Variants in CFAP20DC observed in about 807,000 individuals in gnomAD.
CFAP20DC encodes protein CFAP20DC.
CFAP20DC carries 84 observed loss-of-function variants against 101.7 expected under a neutral mutation model. The ratio of observed to expected loss-of-function variants is 0.83; its 90% CI spans 0.69 to 0.99. The LOEUF is 0.99. Among genes scored for constraint, CFAP20DC ranks in the 50% least tolerant of loss-of-function variants. The pLI is 0.00. For missense variants in CFAP20DC, 1,007 were observed against 970.3 expected (o/e 1.04, Z -0.50); for synonymous variants, 359 against 351.2 (o/e 1.02, Z -0.25).
intron 13 of CFAP20DC, among the ~76,000 whole-genome samples, chr3:58,833,949 C>T (rs1034038353): frequency 1.3e-5 from 2 of 152,062 alleles, no homozygotes; most frequent in African/African-American, 4.8e-5. Context: ...GCACAAAAGG[C>T]CACATATTGT....
chr3:58,986,164 G>T (rs187156627), intron 4 of CFAP20DC, among the ~76,000 whole-genome samples: 1 of 152,144 alleles, frequency 6.6e-6, no homozygotes, highest in South Asian at 2.1e-4. Context: ...CAATTCATAC[G>T]TAAGTTTGAA....
At chr3:58,747,244 T>C (rs924151113) in intron 16 of CFAP20DC, among the ~76,000 whole-genome samples, 5 of 152,156 alleles carry the variant, frequency 3.3e-5, no homozygotes, top group African/African-American at 1.2e-4. Flanking sequence ...TTCAGCCTCA[T>C]CCACTCTGAA....
At chr3:58,763,442 AT>A (rs1398591117) in intron 15 of CFAP20DC, among the ~76,000 whole-genome samples, 4 of 148,894 alleles carry the variant, frequency 2.7e-5, no homozygotes, top group African/African-American at 7.5e-5. Flanking sequence ...CATTCGTCTA[AT>A]TTTTTTTCAA....
At chr3:58,755,691 T>A (rs1021445940) in intron 15 of CFAP20DC, among the ~76,000 whole-genome samples, 2 of 152,152 alleles carry the variant, frequency 1.3e-5, no homozygotes, top group African/African-American at 2.4e-5. Flanking sequence ...ATTAAAAAAA[T>A]TTTAGATTTA....
intron 4 of CFAP20DC, among the ~76,000 whole-genome samples, chr3:59,035,024 C>T (rs1170593071): frequency 6.6e-6 from 1 of 152,144 alleles, no homozygotes; most frequent in Admixed American, 6.5e-5. Flanking sequence ...AATTAGAATT[C>T]AGGATTAAGA....
chr3:58,948,717 C>T (rs1166662394), intron 4 of CFAP20DC, among the ~76,000 whole-genome samples: 14 of 152,108 alleles, frequency 9.2e-5, no homozygotes, highest in South Asian at 6.2e-4. Flanking sequence ...ATTTTTGCAT[C>T]GATGTTCATC....
intron 4 of CFAP20DC, among the ~76,000 whole-genome samples, chr3:58,954,651 AG>A (rs2090460782): frequency 6.6e-6 from 1 of 152,190 alleles, no homozygotes; most frequent in African/African-American, 2.4e-5. Flanking sequence ...TTGCATGATT[AG>A]TATAGGGAAT....
intron 6 of CFAP20DC, among the ~76,000 whole-genome samples, chr3:58,910,420 T>C (rs2084033469): frequency 6.6e-6 from 1 of 152,184 alleles, no homozygotes; most frequent in Non-Finnish European, 1.5e-5. Flanking sequence ...TTCCTTAGAC[T>C]TTTAAAGGTA....
chr3:58,981,094 C>T (rs1423034924), intron 4 of CFAP20DC, among the ~76,000 whole-genome samples: 8 of 152,152 alleles, frequency 5.3e-5, no homozygotes, highest in African/African-American at 1.2e-4. Flanking sequence ...CATGAGTGAA[C>T]TCCCATTCAC....
intron 4 of CFAP20DC, among the ~76,000 whole-genome samples, chr3:58,990,022 GA>G (rs1379249217): frequency 6.6e-6 from 1 of 152,076 alleles, no homozygotes; most frequent in African/African-American, 2.4e-5. Context: ...ACTCCCAATG[GA>G]ATTAAATGCC....
At chr3:58,963,791 T>C (rs139722226) in intron 4 of CFAP20DC, among the ~76,000 whole-genome samples, 31 of 152,302 alleles carry the variant, frequency 2.0e-4, no homozygotes, top group African/African-American at 7.0e-4. Context: ...CCAGAACTGA[T>C]TGAACAGATT....
intron 3 of CFAP20DC, among the ~76,000 whole-genome samples, chr3:58,736,512 T>C (rs935935440): frequency 3.9e-5 from 6 of 152,214 alleles, no homozygotes; most frequent in African/African-American, 1.4e-4. Flanking sequence ...ACTATCAGAA[T>C]AAATAAAGAG....
At chr3:59,029,067 T>C (rs2093942918) in intron 4 of CFAP20DC, among the ~76,000 whole-genome samples, 1 of 152,202 alleles carries the variant, frequency 6.6e-6, no homozygotes, top group African/African-American at 2.4e-5. Flanking sequence ...CATCAAGATA[T>C]ATTTAGATTT....
Position 58,874,821 on chromosome 3 carries a change from T to C in CFAP20DC, c.716-4512A>G, listed in dbSNP as rs2080601855. 6.6e-6 allele frequency among the ~76,000 whole-genome samples: 1 copy of C among 152,216 alleles called. No homozygotes were observed. Among genetic ancestry groups the C allele is most frequent in the Admixed American group, 6.5e-5 (1 of 15,276 alleles). On this transcript the variant is annotated intron_variant, in intron 7 of 16. Coordinates refer to ENST00000482387, the MANE Select transcript of CFAP20DC (RefSeq NM_001394063.1). The surrounding 1 kb of genome is among the most constrained non-coding windows in gnomAD (Gnocchi z 5.1). ...TAATTAATGTGTGCTTCAGTAGACA[T>C]AAACTCAGTGGCCTGCTTCTGTCAC... is the stretch of plus-strand genomic sequence containing the variant.
chr3:59,047,313 C>T (rs1699941463), intron 1 of CFAP20DC, 59 bp from the exon 2 acceptor site: 4 of 1,152,618 alleles, frequency 3.5e-6, no homozygotes, highest in Non-Finnish European at 5.0e-6. Flanking sequence ...TTATCCACCA[C>T]ATAGTCTATA....
chr3:58,870,907 A>G (rs1403762162), intron 7 of CFAP20DC, among the ~76,000 whole-genome samples: 1 of 149,468 alleles, frequency 6.7e-6, no homozygotes, highest in Non-Finnish European at 1.5e-5. Context: ...AAAAAAAAAA[A>G]AAAAAAAAAA....
intron 15 of CFAP20DC, among the ~76,000 whole-genome samples, chr3:58,786,926 T>C (rs954103526): frequency 1.3e-5 from 2 of 151,848 alleles, no homozygotes; most frequent in Non-Finnish European, 2.9e-5. Context: ...AACTTTATCA[T>C]AGGTATGCAT....
Position 58,912,106 on chromosome 3 carries a change from G to A in CFAP20DC, c.550+1602C>T, listed in dbSNP as rs1379650405. On this transcript the variant is annotated intron_variant, in intron 6 of 16. Coordinates refer to ENST00000482387, the MANE Select transcript of CFAP20DC (RefSeq NM_001394063.1). The surrounding 1 kb of genome is among the most constrained non-coding windows in gnomAD (Gnocchi z 4.4). ...TCTCCCCTCCCATATTCTTTATTCT[G>A]GTGGATTTATGCCTTTTTTATTCCT... is the stretch of plus-strand genomic sequence containing the variant. 6.6e-6 allele frequency among the ~76,000 whole-genome samples: 1 copy of A among 152,006 alleles called. No individual in the cohort carries two copies. Among genetic ancestry groups the A allele is most frequent in the African/African-American group, 2.4e-5 (1 of 41,368 alleles).
rs895398848 is a variant in CFAP20DC at position 58,884,546 on chromosome 3, T to G, written c.714A>C (p.Ser238=). The change falls in exon 7 of 17, where the codon TCA becomes TCC. Residue 238 remains serine (S), a splice_region_variant and synonymous_variant. Coordinates refer to ENST00000482387, the MANE Select transcript of CFAP20DC (RefSeq NM_001394063.1). ...FGGHPLRSAE[S]DQFINRGTSI... ...TAATTTAGGTGCCTGAGTGTCTACC[T>G]GATTCTGCTGATCTTAGAGGATGGC... is the stretch of plus-strand genomic sequence containing the variant. The G allele has an allele frequency of 6.8e-6, 11 of 1,613,850 alleles. No homozygotes were observed. Among genetic ancestry groups the G allele is most frequent in the Non-Finnish European group, 8.5e-6 (10 of 1,179,744 alleles).
Sources: allele counts gnomAD v4.1 joint callset (sites outside exome capture counted in the v4.1 genomes callset), GRCh38; gene constraint gnomAD v4.1.1; non-coding constraint Gnocchi (gnomAD v3.1); transcripts MANE v1.5; gene names NCBI Gene and HGNC (gene_info 2026-07-23, HGNC 2026-07-21).